RGS6: variants seen among roughly 807,000 people sequenced by gnomAD.
RGS6 encodes the protein regulator of G-protein signaling 6.
A neutral mutation model predicts 78.5 loss-of-function variants in RGS6; 30 were observed. That is an observed-to-expected ratio of 0.38 (90% confidence interval 0.29 to 0.52). The LOEUF (loss-of-function observed/expected upper bound fraction) is 0.52, where lower values mean the gene tolerates loss of function less well. RGS6 is among the 20% of genes least tolerant of loss of function. The probability of loss-of-function intolerance (pLI) is 0.85; values close to 1 mark genes in which losing one functional copy is unlikely to be tolerated. For synonymous variants in RGS6, 206 were observed against 206.0 expected (o/e 1.00, Z 0.00); for missense variants, 495 against 609.7 (o/e 0.81, Z 1.98).
intron 2 of RGS6, among the ~76,000 whole-genome samples, chr14:72,156,797 G>A (rs780686654): frequency 5.3e-5 from 8 of 152,300 alleles, no homozygotes; most frequent in African/African-American, 1.9e-4. Flanking sequence ...CCTGATTGGC[G>A]TGCCCACACT....
intron 11 of RGS6, chr14:72,477,327 C>G (rs2096264036): frequency 6.5e-6 from 1 of 153,830 alleles, no homozygotes; most frequent in African/African-American, 2.4e-5. Context: ...CAGACAATGG[C>G]TAATTATATT....
At chr14:72,166,550 C>A (rs2153672308) in intron 2 of RGS6, among the ~76,000 whole-genome samples, 1 of 152,276 alleles carries the variant, frequency 6.6e-6, no homozygotes, top group Middle Eastern at 3.4e-3. Context: ...GTGACACCAG[C>A]TAGCCAGGTG....
At chr14:72,336,897 G>A (rs2076127694) in intron 2 of RGS6, among the ~76,000 whole-genome samples, 1 of 152,058 alleles carries the variant, frequency 6.6e-6, no homozygotes, top group African/African-American at 2.4e-5. Context: ...CTCTGTGTGT[G>A]CCTGTCTGTG....
chr14:71,931,070 A>G (rs2087823871), upstream of RGS6, among the ~76,000 whole-genome samples: 1 of 146,780 alleles, frequency 6.8e-6, no homozygotes. Flanking sequence ...CGCTCCATGT[A>G]CAGCCTATTC....
chr14:72,438,149 G>A (rs2095026502), intron 3 of RGS6, among the ~76,000 whole-genome samples: 2 of 152,102 alleles, frequency 1.3e-5, no homozygotes, highest in Admixed American at 6.6e-5. Flanking sequence ...TCCCGAGAGA[G>A]GGGAATGGAC....
intron 2 of RGS6, among the ~76,000 whole-genome samples, chr14:72,082,088 T>A (rs1030260540): frequency 5.3e-5 from 8 of 152,082 alleles, no homozygotes; most frequent in African/African-American, 1.7e-4. Flanking sequence ...TAATGAAATA[T>A]GAGACATGCC....
chr14:72,214,145 A>G (rs2044914867), intron 2 of RGS6, among the ~76,000 whole-genome samples: 1 of 151,672 alleles, frequency 6.6e-6, no homozygotes, highest in Non-Finnish European at 1.5e-5. Context: ...TCACTTGGCC[A>G]GAAGAAAAAA....
At chr14:72,579,874 G>A in the RGS6 span, among the ~76,000 whole-genome samples, 1 of 152,304 alleles carries the variant, frequency 6.6e-6, no homozygotes, top group South Asian at 2.1e-4. Context: ...GTGGACTGGG[G>A]CCATCAGGAA....
At chr14:72,251,012 C>T (rs2055615867) in intron 2 of RGS6, among the ~76,000 whole-genome samples, 1 of 152,146 alleles carries the variant, frequency 6.6e-6, no homozygotes, top group South Asian at 2.1e-4. Context: ...ATAGCTGAAG[C>T]TTAAAAAGCA....
intron 2 of RGS6, among the ~76,000 whole-genome samples, chr14:72,241,522 A>G (rs544043465): frequency 1.3e-5 from 2 of 152,348 alleles, no homozygotes; most frequent in South Asian, 4.1e-4. Flanking sequence ...GAAAACGTCT[A>G]TTGGCATTTT....
At chr14:72,057,624 G>C (rs900760708) in intron 2 of RGS6, among the ~76,000 whole-genome samples, 2 of 152,158 alleles carry the variant, frequency 1.3e-5, no homozygotes, top group Non-Finnish European at 2.9e-5. Context: ...CCTCCTTTAA[G>C]TGCTTTCCTT....
the RGS6 span, among the ~76,000 whole-genome samples, chr14:72,575,088 G>T: frequency 6.6e-6 from 1 of 152,148 alleles, no homozygotes; most frequent in Admixed American, 6.5e-5. Flanking sequence ...TTCCAAAGAG[G>T]GTGAGGATAC....
intron 15 of RGS6, among the ~76,000 whole-genome samples, chr14:72,534,023 A>G (rs1048843666): frequency 2.0e-5 from 3 of 152,270 alleles, no homozygotes; most frequent in Admixed American, 6.5e-5. Context: ...GTAAAATGCT[A>G]TCAAACACCA....
chr14:72,276,111 C>G (rs1357881381), intron 2 of RGS6, among the ~76,000 whole-genome samples: 1 of 152,142 alleles, frequency 6.6e-6, no homozygotes, highest in African/African-American at 2.4e-5. Flanking sequence ...ATGGACTGTT[C>G]ATTGAAACTT....
intron 2 of RGS6, among the ~76,000 whole-genome samples, chr14:72,053,025 CT>C (rs2093383832): frequency 1.1e-4 from 5 of 44,406 alleles, no homozygotes; most frequent in African/African-American, 4.7e-4. Context: ...TTCTTTCTTT[CT>C]TTCCCCCTCC....
intron 2 of RGS6, among the ~76,000 whole-genome samples, chr14:72,255,470 C>T (rs8003626): frequency 0.027 from 4,122 of 152,150 alleles, 90 homozygotes; most frequent in South Asian, 0.056. Flanking sequence ...TTATTCCTTA[C>T]ATTTATGTTT....
chr14:72,259,475 A>G (rs1225720101), intron 2 of RGS6, among the ~76,000 whole-genome samples: 4 of 152,174 alleles, frequency 2.6e-5, no homozygotes, highest in African/African-American at 9.7e-5. Context: ...TACGCTTCAT[A>G]AGGCTGAGAA....
intron 2 of RGS6, among the ~76,000 whole-genome samples, chr14:71,989,528 C>G (rs938282530): frequency 1.3e-5 from 2 of 152,236 alleles, no homozygotes; most frequent in Non-Finnish European, 2.9e-5. Context: ...AAACATAAGG[C>G]AGACATATCT....
chr14:72,383,379 T>A (rs1187811559), intron 3 of RGS6, among the ~76,000 whole-genome samples: 1 of 151,912 alleles, frequency 6.6e-6, no homozygotes, highest in Non-Finnish European at 1.5e-5. Flanking sequence ...GACTCATAAA[T>A]CTAACTGGGC....
Sources: allele counts gnomAD v4.1 joint callset (sites outside exome capture counted in the v4.1 genomes callset), GRCh38; gene constraint gnomAD v4.1.1; transcripts MANE v1.5; gene names NCBI Gene and HGNC (gene_info 2026-07-23, HGNC 2026-07-21).